The following TEX9 variants were observed in gnomAD, a reference collection of about 807,000 sequenced individuals.
The protein encoded by TEX9 is testis expressed 9, also known as testis-expressed protein 9.
TEX9 carries 74 observed loss-of-function variants against 59.6 expected under a neutral mutation model. That is an observed-to-expected ratio of 1.24 (90% CI 1.03 to 1.51). The LOEUF (loss-of-function observed/expected upper bound fraction) is 1.51, where lower values mean the gene tolerates loss of function less well. Among genes scored for constraint, TEX9 ranks in the 40% most tolerant of loss-of-function variants. The pLI is 0.00. For synonymous variants in TEX9, 186 were observed against 152.2 expected (o/e 1.22, Z -1.64); for missense variants, 522 against 447.8 (o/e 1.17, Z -1.49).
At chr15:56,368,349 A>G (rs1178028950) in intron 2 of TEX9, among the ~76,000 whole-genome samples, 1 of 152,084 alleles carries the variant, frequency 6.6e-6, no homozygotes, top group South Asian at 2.1e-4. Context: ...GGTTTTTTGC[A>G]TCTATGAACA....
chr15:56,381,514 C>G, intron 3 of TEX9, among the ~76,000 whole-genome samples: 1 of 152,156 alleles, frequency 6.6e-6, no homozygotes, highest in African/African-American at 2.4e-5. Context: ...TCTTCACAGT[C>G]TGGGTTTATT....
At chr15:56,414,804 TGAG>T (rs1366623065) in intron 10 of TEX9, among the ~76,000 whole-genome samples, 1 of 151,826 alleles carries the variant, frequency 6.6e-6, no homozygotes, top group African/African-American at 2.4e-5. Flanking sequence ...TTTACCTCTT[TGAG>T]GAGTCACCGT....
At chr15:56,247,407 C>G (rs996729226) in intron 1 of TEX9, among the ~76,000 whole-genome samples, 1 of 152,104 alleles carries the variant, frequency 6.6e-6, no homozygotes, top group East Asian at 1.9e-4. Context: ...GGTAGAAGAA[C>G]TGGAGAAGGC....
chr15:56,428,393 A>ATCTT lies in TEX9; in HGVS notation c.1128_1131dup (p.Thr378PhefsTer3). ...TGCATATTGAAGCTGCCAAGATGCT[A>ATCTT]TCTTTCACTGAGGAGGAATTTATGA... On this transcript the variant is annotated frameshift_variant, in exon 12 of 13. Transcript: ENST00000352903. LOFTEE classifies it high-confidence loss of function. 1.9e-6 allele frequency: 3 copies of ATCTT among 1,612,376 alleles called. No individual in the cohort carries two copies. Among genetic ancestry groups the ATCTT allele is most frequent in the Non-Finnish European group, 2.5e-6 (3 of 1,178,990 alleles).
intron 1 of TEX9, among the ~76,000 whole-genome samples, chr15:56,321,685 C>G (rs1004353672): frequency 2.6e-5 from 4 of 152,128 alleles, no homozygotes; most frequent in Middle Eastern, 3.2e-3. Context: ...CCCTGAGAAT[C>G]TACATCACAT....
intron 1 of TEX9, among the ~76,000 whole-genome samples, chr15:56,272,156 AT>A (rs1483100807): frequency 6.6e-6 from 1 of 151,506 alleles, no homozygotes. Context: ...AAAAAAAAAA[AT>A]GTACAATTTA....
rs2045958448 is a variant in TEX9 at position 56,323,775 on chromosome 15, GA to G, written c.-106-49665del. ...GGAGGAGAAGGAGGAGAAGGAGAGG[GA>G]GGGGGAGGGGGAAGAGGAAGAAAAA... is the stretch of plus-strand genomic sequence containing the variant. On this transcript the variant is annotated intron_variant, in intron 1 of 5. Coordinates refer to the TEX9 transcript ENST00000560827. 1.6e-5 allele frequency: 3 copies of G among 188,062 alleles called. No individual in the cohort carries two copies. The South Asian group carries it at 3.5e-4, about 22-fold the overall frequency. The allele number at this position is 188,062 out of a possible 1,614,324, so 11.6% of individuals were successfully genotyped here.
chr15:56,366,865 G>A (rs2046968587), intron 2 of TEX9, among the ~76,000 whole-genome samples: 3 of 152,196 alleles, frequency 2.0e-5, no homozygotes, highest in South Asian at 2.1e-4. Flanking sequence ...ACCACAGCAA[G>A]TAGGAAGATA....
At chr15:56,356,823 G>T (rs983758201) in intron 1 of TEX9, among the ~76,000 whole-genome samples, 10 of 152,054 alleles carry the variant, frequency 6.6e-5, no homozygotes, top group Non-Finnish European at 1.5e-4. Context: ...TAAAATATTT[G>T]CTCATCCTGG....
chr15:56,458,338 TAC>T, the TEX9 span, among the ~76,000 whole-genome samples: 1 of 152,172 alleles, frequency 6.6e-6, no homozygotes, highest in Non-Finnish European at 1.5e-5. Flanking sequence ...GAGCAGAAAG[TAC>T]ACAGAGTTCC....
At position 56,305,891 on chromosome 15, in the gene TEX9, C is replaced by T. The variant is rs186586634; in HGVS notation, c.-107+61613C>T. ...TATCTATCTGACAAGGGATTACTAACCAGAATATATAAGAAGGTCAAATAA... is the reference window on the plus strand; with the variant it reads ...TATCTATCTGACAAGGGATTACTAATCAGAATATATAAGAAGGTCAAATAA... On this transcript the variant is annotated intron_variant, in intron 1 of 5. Coordinates refer to the TEX9 transcript ENST00000560827. Among the ~76,000 whole-genome samples the T allele has an allele frequency of 2.2e-3, 331 of 151,936 alleles. 1 individual carries two copies. Among genetic ancestry groups the T allele is most frequent in the Non-Finnish European group, 4.0e-3 (272 of 67,958 alleles).
chr15:56,273,507 A>G (rs1438855435), intron 1 of TEX9, among the ~76,000 whole-genome samples: 2 of 152,116 alleles, frequency 1.3e-5, no homozygotes, highest in Non-Finnish European at 2.9e-5. Flanking sequence ...TCTTTCTATT[A>G]TTTGCTTTAA....
intron 1 of TEX9, among the ~76,000 whole-genome samples, chr15:56,257,196 C>T (rs1433549928): frequency 6.6e-6 from 1 of 152,132 alleles, no homozygotes; most frequent in African/African-American, 2.4e-5. Context: ...CATTGATGGG[C>T]ATCTAGTTGA....
the TEX9 span, among the ~76,000 whole-genome samples, chr15:56,456,800 C>T: frequency 6.6e-6 from 1 of 152,096 alleles, no homozygotes; most frequent in South Asian, 2.1e-4. Flanking sequence ...AATCTTTTTT[C>T]TCTACCTTCC....
chr15:56,296,095 T>C (rs2045211305), intron 1 of TEX9, among the ~76,000 whole-genome samples: 1 of 152,152 alleles, frequency 6.6e-6, no homozygotes, highest in Admixed American at 6.6e-5. Context: ...GTGGATCAGT[T>C]CCTCCTTCTG....
At chr15:56,382,259 G>A (rs1265624159) in intron 3 of TEX9, among the ~76,000 whole-genome samples, 2 of 152,218 alleles carry the variant, frequency 1.3e-5, no homozygotes, top group Admixed American at 6.5e-5. Context: ...TCAAGGGAGT[G>A]GGCTCCCCTC....
At chr15:56,339,394 A>AC (rs2046324358) in intron 1 of TEX9, among the ~76,000 whole-genome samples, 4 of 114,412 alleles carry the variant, frequency 3.5e-5, no homozygotes, top group Admixed American at 1.8e-4. Context: ...AAAAAAAAAA[A>AC]AAAAAAAAAA....
chr15:56,319,457 A>G (rs2045854426), intron 1 of TEX9, among the ~76,000 whole-genome samples: 1 of 152,028 alleles, frequency 6.6e-6, no homozygotes, highest in African/African-American at 2.4e-5. Context: ...TTCAGAACTT[A>G]GAGTACAGAG....
At chr15:56,299,710 T>C (rs193026054) in intron 1 of TEX9, among the ~76,000 whole-genome samples, 2 of 152,086 alleles carry the variant, frequency 1.3e-5, no homozygotes, top group South Asian at 2.1e-4. Context: ...CGCAGTACAA[T>C]GGGGTACTGG....
Sources: gnomAD v4.1 joint callset for allele counts (sites outside exome capture counted in the v4.1 genomes callset) on GRCh38, gnomAD v4.1.1 for gene constraint, MANE v1.5 for transcripts, NCBI Gene and HGNC (gene_info 2026-07-23, HGNC 2026-07-21) for gene names.